UMODL1: variants seen among roughly 807,000 people sequenced by gnomAD.
The protein encoded by UMODL1 is uromodulin like 1, also known as uromodulin-like 1.
UMODL1 carries 128 observed loss-of-function variants against 136.3 expected under a neutral mutation model. The ratio of observed to expected loss-of-function variants is 0.94; its 90% CI spans 0.81 to 1.09. The LOEUF is 1.09. Ranked by LOEUF, UMODL1 falls within the 50% of genes least tolerant of loss-of-function variation. The pLI, the probability that UMODL1 is intolerant of heterozygous loss-of-function variation, is 0.00. For missense variants in UMODL1, 1,766 were observed against 1,725.6 expected (o/e 1.02, Z -0.41); for synonymous variants, 721 against 720.0 (o/e 1.00, Z -0.02).
chr21:42,103,228 GAA>G, intron 8 of UMODL1: 1 of 202,734 alleles, frequency 4.9e-6, no homozygotes. Flanking sequence ...AAGATGTGTA[GAA>G]ATGCCAGAGA....
At chr21:42,124,303 G>A (rs932520312) in intron 17 of UMODL1, among the ~76,000 whole-genome samples, 1 of 152,200 alleles carries the variant, frequency 6.6e-6, no homozygotes, top group Admixed American at 6.5e-5. Context: ...TGGGAGTGCA[G>A]GGTGGATCAG....
chr21:42,119,676 C>T (rs2066944820), intron 15 of UMODL1, among the ~76,000 whole-genome samples: 1 of 152,054 alleles, frequency 6.6e-6, no homozygotes, highest in Admixed American at 6.6e-5. Flanking sequence ...CCAAGGAGAT[C>T]CCAGTAAAGA....
rs1555920356 is a variant in UMODL1 at position 42,085,414 on chromosome 21, T to C, written c.603+2T>C. The C allele has an allele frequency of 1.1e-5, 18 of 1,613,752 alleles. No individual in the cohort carries two copies. The South Asian group carries it at 1.8e-4, about 16-fold the overall frequency. On this transcript the variant is annotated splice_donor_variant, in intron 4 of 22. Transcript: ENST00000408910. LOFTEE classifies it high-confidence loss of function. This position sits in a 1 kb window ranked among gnomAD's most constrained non-coding sequence, Gnocchi z 4.5. ...CACATGCGCCTTCTGCATTCCTTGGTAGGTGAGACAGACGGGGGCTGCCTG... is the reference window on the plus strand; with the variant it reads ...CACATGCGCCTTCTGCATTCCTTGGCAGGTGAGACAGACGGGGGCTGCCTG...
intron 16 of UMODL1, 49 bp downstream of exon 16, chr21:42,121,273 T>A: frequency 6.4e-7 from 1 of 1,567,940 alleles, no homozygotes; most frequent in African/African-American, 1.4e-5. Context: ...CATAATCGGT[T>A]TTTTTTAAGG....
chr21:42,137,175 C>A (rs565238055), intron 21 of UMODL1, among the ~76,000 whole-genome samples: 3 of 152,364 alleles, frequency 2.0e-5, no homozygotes, highest in East Asian at 3.9e-4. Context: ...GGCTCTCCCC[C>A]TCCCACCAGG....
upstream of UMODL1, among the ~76,000 whole-genome samples, chr21:42,069,698 A>G (rs2066213163): frequency 6.6e-6 from 1 of 152,218 alleles, no homozygotes; most frequent in African/African-American, 2.4e-5. Flanking sequence ...TTTAACCTGT[A>G]ATATTATCCC....
chr21:42,113,975 C>G, intron 13 of UMODL1, 145 bp downstream of exon 13: 1 of 1,210,558 alleles, frequency 8.3e-7, no homozygotes, highest in Non-Finnish European at 1.1e-6. Flanking sequence ...CGGCTGGCTT[C>G]AGCAGGCGTG....
chr21:42,125,234 C>T (rs1284213557), intron 17 of UMODL1, among the ~76,000 whole-genome samples: 1 of 152,110 alleles, frequency 6.6e-6, no homozygotes, highest in Non-Finnish European at 1.5e-5. Context: ...AAGGAGCTAG[C>T]CCTGGGGAGC....
chr21:42,073,645 CTAT>C (rs1156240448), intron 1 of UMODL1, among the ~76,000 whole-genome samples: 1 of 152,190 alleles, frequency 6.6e-6, no homozygotes, highest in Non-Finnish European at 1.5e-5. Flanking sequence ...TGGCTCTGCC[CTAT>C]TTCTTCCTGG....
intron 3 of UMODL1, among the ~76,000 whole-genome samples, chr21:42,084,720 A>G (rs911868238): frequency 6.6e-6 from 1 of 150,674 alleles, no homozygotes. Flanking sequence ...TGGCCTATAC[A>G]TATATATATA....
chr21:42,108,491 G>A (rs1302253029), intron 9 of UMODL1: 5 of 436,860 alleles, frequency 1.1e-5, no homozygotes, highest in Admixed American at 2.5e-5. Flanking sequence ...CCCACAAAAC[G>A]AGCCTCAGAG....
chr21:42,140,732 A>T (rs2067270412), intron 22 of UMODL1, among the ~76,000 whole-genome samples: 1 of 152,160 alleles, frequency 6.6e-6, no homozygotes, highest in Non-Finnish European at 1.5e-5. Flanking sequence ...GAGCCTTCCC[A>T]GGACCCCTGA....
chr21:42,084,670 T>C (rs2066404650), intron 3 of UMODL1, among the ~76,000 whole-genome samples: 1 of 151,902 alleles, frequency 6.6e-6, no homozygotes, highest in Non-Finnish European at 1.5e-5. Flanking sequence ...AAAGTTCTCT[T>C]TTGATTGGGG....
intron 15 of UMODL1, among the ~76,000 whole-genome samples, chr21:42,119,908 G>T (rs2066947882): frequency 6.6e-6 from 1 of 152,128 alleles, no homozygotes; most frequent in Non-Finnish European, 1.5e-5. Context: ...TGCATGCAGA[G>T]ATAAATCAAA....
In UMODL1 at chr21:42,122,057, T is replaced by C. The variant is rs2066979703; in HGVS notation, c.2828-774T>C. 6.6e-6 allele frequency among the ~76,000 whole-genome samples: 1 copy of C among 152,044 alleles called. No individual in the cohort carries two copies. The highest frequency in any genetic ancestry group is 2.4e-5 in the African/African-American group (1 of 41,376). The stretch of plus-strand genomic sequence containing the variant: ...CAGCCAACTGTGAAGTCCTCAGCAA[T>C]GGTTTGGACTATGGCCCAGAGACAG... On this transcript the variant is annotated intron_variant, in intron 16 of 22. Coordinates refer to ENST00000408910, the MANE Select transcript of UMODL1 (RefSeq NM_001004416.3). The surrounding 1 kb of genome is among the most constrained non-coding windows in gnomAD (Gnocchi z 4.3).
chr21:42,137,566 A>G lies in UMODL1; in HGVS notation c.3903A>G (p.Arg1301=), dbSNP rs376268005. 1 of 1,614,056 alleles carries G rather than the reference A, an allele frequency of 6.2e-7. No individual in the cohort carries two copies. Among genetic ancestry groups the G allele is most frequent in the African/African-American group, 1.3e-5 (1 of 74,918 alleles). ...TGCGCTACCAGAGAATGAATGGGAGATACAACTTTAAAATCCAGTCCAACA... is the reference window on the plus strand; with the variant it reads ...TGCGCTACCAGAGAATGAATGGGAGGTACAACTTTAAAATCCAGTCCAACA... ...LIVRYQRMNG[R]YNFKIQSNNF... Residue 1301 remains arginine, a synonymous_variant, in exon 22 of 23, where the codon AGA becomes AGG. Coordinates refer to ENST00000408910, the MANE Select transcript of UMODL1 (RefSeq NM_001004416.3).
intron 14 of UMODL1, among the ~76,000 whole-genome samples, chr21:42,118,253 C>T (rs1203335615): frequency 1.3e-5 from 2 of 152,246 alleles, no homozygotes; most frequent in East Asian, 3.8e-4. Context: ...TCTACTGAGC[C>T]AACCAAGGGC....
chr21:42,138,857 G>A lies in UMODL1; in HGVS notation c.*21+1216G>A, dbSNP rs2067243434. Among the ~76,000 whole-genome samples, 10 of 152,228 alleles carry A rather than the reference G, an allele frequency of 6.6e-5. No homozygotes were observed. In the South Asian group the frequency reaches 2.1e-3, roughly 32 times the overall value. On this transcript the variant is annotated intron_variant, in intron 22 of 22. Transcript: ENST00000408910. Reference sequence around the variant, plus strand: ...CTCAAAGTGCTGGGATTACAGGCGTGAGCCACCGTGCCCGGCCAAATTTTG... The same window carrying A: ...CTCAAAGTGCTGGGATTACAGGCGTAAGCCACCGTGCCCGGCCAAATTTTG...
chr21:42,139,716 C>T (rs549227520), intron 22 of UMODL1, among the ~76,000 whole-genome samples: 5 of 152,248 alleles, frequency 3.3e-5, no homozygotes, highest in East Asian at 1.9e-4. Context: ...CGCTGGGATT[C>T]GCATCTTAAA....
Sources: gnomAD v4.1 joint callset for allele counts (sites outside exome capture counted in the v4.1 genomes callset) on GRCh38, gnomAD v4.1.1 for gene constraint, Gnocchi (gnomAD v3.1) non-coding constraint, MANE v1.5 for transcripts, NCBI Gene and HGNC (gene_info 2026-07-23, HGNC 2026-07-21) for gene names.